The following CACNA1A variants were observed in gnomAD, a reference collection of about 807,000 sequenced individuals.
CACNA1A encodes calcium voltage-gated channel subunit alpha1 A.
CACNA1A carries 57 observed loss-of-function variants against 262.4 expected under a neutral mutation model. That is an observed-to-expected ratio of 0.22 (90% confidence interval 0.18 to 0.27). The LOEUF is 0.27. Among genes scored for constraint, CACNA1A ranks in the 10% least tolerant of loss-of-function variants. CACNA1A has a pLI of 1.00. For synonymous variants in CACNA1A, 1,431 were observed against 1,419.3 expected, an observed-to-expected ratio of 1.01 and a Z score of -0.18; for missense variants, 2,526 against 3,562.8, an observed-to-expected ratio of 0.71 and a Z score of 7.41.
intron 3 of CACNA1A, among the ~76,000 whole-genome samples, chr19:13,430,341 G>C (rs2060485386): frequency 6.6e-6 from 1 of 152,100 alleles, no homozygotes; most frequent in African/African-American, 2.4e-5. Context: ...CGAGTAGCTA[G>C]GACTACAGGC....
chr19:13,259,737 AAG>A (rs1307065409), intron 26 of CACNA1A, 36 bp from the exon 27 acceptor site: 8 of 1,604,998 alleles, frequency 5.0e-6, no homozygotes, highest in Non-Finnish European at 6.0e-6. Context: ...GTAAATGGGA[AAG>A]AGGGGCTGTC....
chr19:13,490,804 AAAGG>A (rs1980758116), intron 1 of CACNA1A, among the ~76,000 whole-genome samples: 2 of 150,428 alleles, frequency 1.3e-5, no homozygotes, highest in African/African-American at 2.4e-5. Context: ...GAGAAAGGAA[AAAGG>A]AAGGAAGGAA....
intron 25 of CACNA1A, chr19:13,262,458 C>T (rs2056755810): frequency 5.5e-6 from 2 of 365,064 alleles, no homozygotes; most frequent in Admixed American, 4.1e-5. Flanking sequence ...CCTTTTAAAT[C>T]CATATGATGC....
Position 13,275,595 on chromosome 19 carries a change from G to A in CACNA1A, c.3989+255C>T, listed in dbSNP as rs542257957. The A allele has an allele frequency of 2.9e-3, 1,518 of 525,882 alleles. 5 individuals carry two copies. Among genetic ancestry groups the A allele is most frequent in the Non-Finnish European group, 3.9e-3 (1,124 of 288,386 alleles). The allele number at this position is 525,882 out of a possible 1,614,324, so 32.6% of individuals were successfully genotyped here. On this transcript the variant is annotated intron_variant, in intron 24 of 46. Transcript: ENST00000360228. ...GGAAGCTGCACAGCAAGGGGCCAGT[G>A]ATGTGGCTGAGGCCCGTTGCTGTGT... is the stretch of plus-strand genomic sequence containing the variant.
At chr19:13,503,743 G>A (rs1453197167) in intron 1 of CACNA1A, among the ~76,000 whole-genome samples, 1 of 151,612 alleles carries the variant, frequency 6.6e-6, no homozygotes, top group Non-Finnish European at 1.5e-5. Context: ...TTCCAGAGTA[G>A]GGCTGTATAA....
intron 1 of CACNA1A, among the ~76,000 whole-genome samples, chr19:13,486,542 C>A (rs1272353976): frequency 6.6e-6 from 1 of 151,718 alleles, no homozygotes; most frequent in African/African-American, 2.4e-5. Context: ...AACATAGACA[C>A]AGGAAATGAA....
At chr19:13,277,468 G>A in intron 22 of CACNA1A, 1 of 191,850 alleles carries the variant, frequency 5.2e-6, no homozygotes, top group South Asian at 1.1e-4. Flanking sequence ...AGAAGTTCAG[G>A]GCTGACTGTA....
At chr19:13,280,902 C>T (rs1282459056) in intron 22 of CACNA1A, among the ~76,000 whole-genome samples, 1 of 139,842 alleles carries the variant, frequency 7.2e-6, no homozygotes, top group African/African-American at 2.7e-5. Flanking sequence ...GATTGCACCA[C>T]TGCACTCCAG....
At chr19:13,431,055 G>C (rs1382228020) in intron 3 of CACNA1A, among the ~76,000 whole-genome samples, 1 of 152,044 alleles carries the variant, frequency 6.6e-6, no homozygotes, top group Non-Finnish European at 1.5e-5. Context: ...TGGGAATAGA[G>C]GGGGATGGGG....
At chr19:13,352,528 G>A (rs2058931763) in intron 6 of CACNA1A, among the ~76,000 whole-genome samples, 1 of 152,006 alleles carries the variant, frequency 6.6e-6, no homozygotes, top group Non-Finnish European at 1.5e-5. Context: ...GTGTCCTCCA[G>A]TTTTTCTTTA....
intron 19 of CACNA1A, 65 bp downstream of exon 19, chr19:13,298,479 T>C (rs1385989947): frequency 1.5e-6 from 2 of 1,363,624 alleles, no homozygotes; most frequent in Non-Finnish European, 1.0e-6. Context: ...CAGCACGTGC[T>C]ACTTTGGCTG....
At chr19:13,376,342 G>A (rs909481242) in intron 3 of CACNA1A, among the ~76,000 whole-genome samples, 1 of 152,090 alleles carries the variant, frequency 6.6e-6, no homozygotes, top group African/African-American at 2.4e-5. Context: ...CTCTTGTTAG[G>A]AGCTAGTGCT....
At position 13,277,258 on chromosome 19, in the gene CACNA1A, T is replaced by G. The variant is rs2057173240; in HGVS notation, c.3823-130A>C. 1.6e-5 allele frequency: 10 copies of G among 636,266 alleles called. No individual in the cohort carries two copies. The Admixed American group carries it at 2.4e-4, about 15-fold the overall frequency. The allele number at this position is 636,266 out of a possible 1,614,324, so 39.4% of individuals were successfully genotyped here. ...GAGGAAACACAGCTGCTATATACAG[T>G]TGCGCAGGGCGTGCACTGCACAAGG... On this transcript the variant is annotated intron_variant, in intron 22 of 46. Transcript: ENST00000360228.
At chr19:13,336,590 A>AGAGGGAGAGAGAGG (rs1568547298) in intron 6 of CACNA1A, among the ~76,000 whole-genome samples, 6 of 86,768 alleles carry the variant, frequency 6.9e-5, no homozygotes, top group African/African-American at 1.5e-4. Flanking sequence ...ACAGAGAGAG[A>AGAGGGAGAGAGAGG]GAGGGAGAGA....
intron 6 of CACNA1A, among the ~76,000 whole-genome samples, chr19:13,342,581 T>C (rs2058693380): frequency 6.6e-6 from 1 of 152,224 alleles, no homozygotes; most frequent in African/African-American, 2.4e-5. Context: ...GGGATGGTCC[T>C]TCCTGAGTCC....
At chr19:13,255,704 C>CTTCCCTCCCTCCCTCCTTCT in intron 28 of CACNA1A, among the ~76,000 whole-genome samples, 1 of 61,478 alleles carries the variant, frequency 1.6e-5, no homozygotes, top group Non-Finnish European at 4.4e-5. Context: ...TCCCTCCTTC[C>CTTCCCTCCCTCCCTCCTTCT]TTCCCTCCCT....
intron 6 of CACNA1A, among the ~76,000 whole-genome samples, chr19:13,343,367 A>T (rs2145175745): frequency 7.0e-6 from 1 of 142,704 alleles, no homozygotes; most frequent in East Asian, 2.2e-4. Context: ...CAGGTGATCC[A>T]CCCACTTCAG....
Position 13,286,684 on chromosome 19 carries a change from C to T in CACNA1A, c.3372G>A (p.Thr1124=), listed in dbSNP as rs770311284. Residue 1124 remains threonine, a synonymous_variant, in exon 20 of 47, where the codon ACG becomes ACA. Transcript: ENST00000360228. ...TGGATGGGTTCCCCGGGTTGTTGGG[C>T]GTCCGGCGGCTGGCGGCGTTCTGGG... is the stretch of plus-strand genomic sequence containing the variant. ...TNPQNAASRR[T]PNNPGNPSNP... is the part of the protein sequence containing the mutation. 17 of 1,568,226 alleles carry T rather than the reference C, an allele frequency of 1.1e-5. No individual in the cohort carries two copies. The highest frequency in any genetic ancestry group is 5.4e-5 in the African/African-American group (4 of 73,714).
intron 19 of CACNA1A, among the ~76,000 whole-genome samples, chr19:13,292,855 A>G (rs200690113): frequency 1.3e-5 from 2 of 152,088 alleles, no homozygotes; most frequent in Non-Finnish European, 2.9e-5. Flanking sequence ...TTTCTCTTAA[A>G]GTGCATGAAT....
Sources: allele counts gnomAD v4.1 joint callset (sites outside exome capture counted in the v4.1 genomes callset), GRCh38; gene constraint gnomAD v4.1.1; transcripts MANE v1.5; gene names NCBI Gene and HGNC (gene_info 2026-07-23, HGNC 2026-07-21).